DNAH1: variants seen among roughly 807,000 people sequenced by gnomAD.
DNAH1 encodes the protein dynein axonemal heavy chain 1.
DNAH1 carries 327 observed loss-of-function variants against 484.3 expected under a neutral mutation model. That is an observed-to-expected ratio of 0.68 (90% CI 0.62 to 0.74). DNAH1 has a LOEUF of 0.74. Among genes scored for constraint, DNAH1 ranks in the 30% least tolerant of loss-of-function variants. The pLI is 0.00. For missense variants in DNAH1, 5,052 were observed against 5,546.8 expected (o/e 0.91, Z 2.83); for synonymous variants, 2,192 against 2,191.9 (o/e 1.00, Z 0.00).
At position 52,396,724 on chromosome 3, in the gene DNAH1, C is replaced by T. The variant is rs371278083; in HGVS notation, c.11537C>T (p.Thr3846Met). Residue 3846 changes from threonine (T) to methionine (M), a missense_variant, in exon 72 of 78, where the codon ACG (threonine) becomes ATG (methionine). Thr to Met is a moderately conservative substitution (Grantham distance 81). Coordinates refer to ENST00000420323, the MANE Select transcript of DNAH1 (RefSeq NM_015512.5). ...PLGFNIPYEF[T>M]DGDLRICISQ... ...GGCTTCAACATCCCCTATGAGTTCA[C>T]GGATGGAGATCTGCGCATCTGCATC... 7.4e-6 allele frequency: 12 copies of T among 1,613,660 alleles called. No individual in the cohort carries two copies. The highest frequency in any genetic ancestry group is 3.3e-5 in the Admixed American group (2 of 60,006).
At position 52,396,471 on chromosome 3, in the gene DNAH1, G is replaced by GT; in HGVS notation, c.11364dup (p.Val3789CysfsTer10). The GT allele has an allele frequency of 3.1e-6, 5 of 1,604,098 alleles. No individual in the cohort carries two copies. Among genetic ancestry groups the GT allele is most frequent in the Non-Finnish European group, 4.3e-6 (5 of 1,175,470 alleles). Reference sequence around the variant, plus strand: ...AAGATGACCATTGAGCCGCCACGCGGTGTCAGGGCCAACCTGCTGAAGTCC... The same window carrying GT: ...AAGATGACCATTGAGCCGCCACGCGGTTGTCAGGGCCAACCTGCTGAAGTCC... On this transcript the variant is annotated frameshift_variant, in exon 71 of 78. Transcript: ENST00000420323. LOFTEE classifies it high-confidence loss of function.
chr3:52,323,717 C>A, intron 2 of DNAH1, 91 bp from the exon 3 acceptor site: 1 of 1,010,162 alleles, frequency 9.9e-7, no homozygotes, highest in Non-Finnish European at 1.5e-6. Flanking sequence ...TGGTGGGTCT[C>A]AAGGGAGGCG....
rs754524004 is a variant in DNAH1, at chr3:52,397,720, A to T, written c.11801A>T (p.Tyr3934Phe). The change falls in exon 74 of 78, where the codon TAC becomes TTC. Residue 3934 changes from tyrosine (Y) to phenylalanine (F), a missense_variant. Transcript: ENST00000420323. ...CCTCTCTCCTAGGGCTACCTCTCCT[A>T]CATCAAGAGCCTCCCACTCAATGAT... ...PTYDLHGYLS[Y>F]IKSLPLNDMP... is the part of the protein sequence containing the mutation. 1.2e-6 allele frequency: 2 copies of T among 1,609,270 alleles called. No individual in the cohort carries two copies. Among genetic ancestry groups the T allele is most frequent in the Non-Finnish European group, 1.7e-6 (2 of 1,177,486 alleles).
Position 52,381,518 on chromosome 3 carries a change from A to C in DNAH1, c.7609-122A>C. On this transcript the variant is annotated intron_variant, in intron 48 of 77. Coordinates refer to ENST00000420323, the MANE Select transcript of DNAH1 (RefSeq NM_015512.5). This position sits in a 1 kb window ranked among gnomAD's most constrained non-coding sequence, Gnocchi z 4.1. ...GGAAACATGCAGCTGGCCGGGTCACAGGTGGTCAAGGCACCTGTGCTTCTC... is the reference window on the plus strand; with the variant it reads ...GGAAACATGCAGCTGGCCGGGTCACCGGTGGTCAAGGCACCTGTGCTTCTC... 1.2e-6 allele frequency: 1 copy of C among 839,520 alleles called. No homozygotes were observed. Among genetic ancestry groups the C allele is most frequent in the South Asian group, 1.9e-5 (1 of 51,890 alleles). 52.0% of individuals were successfully genotyped at this position (839,520 alleles called of 1,614,324 possible).
chr3:52,386,240 A>G lies in DNAH1; in HGVS notation c.8706A>G (p.Ala2902=). ...AAGCCAATGAGAAGGCCAAGAAGGC[A>G]CAAGCTATTGCTGACGATGCCCAGA... ...EIKANEKAKK[A]QAIADDAQKD... is the part of the protein sequence containing the mutation. Residue 2902 remains alanine (A), a synonymous_variant, in exon 55 of 78, where the codon GCA becomes GCG. Transcript: ENST00000420323. 6.2e-7 allele frequency: 1 copy of G among 1,613,624 alleles called. No individual in the cohort carries two copies. Among genetic ancestry groups the G allele is most frequent in the Non-Finnish European group, 8.5e-7 (1 of 1,179,756 alleles).
chr3:52,356,590 C>G (rs777136201), intron 21 of DNAH1, 24 bp from the exon 22 acceptor site: 1 of 1,611,518 alleles, frequency 6.2e-7, no homozygotes, highest in Non-Finnish European at 8.5e-7. Flanking sequence ...ATATCACACC[C>G]CTCCCTGCCC....
At chr3:52,344,873 G>A (rs1463153595) in intron 9 of DNAH1, among the ~76,000 whole-genome samples, 1 of 152,248 alleles carries the variant, frequency 6.6e-6, no homozygotes, top group Non-Finnish European at 1.5e-5. Flanking sequence ...AGTGAGAATA[G>A]CACAGAAGTT....
At chr3:52,348,857 G>T in intron 12 of DNAH1, 31 bp from the exon 13 acceptor site, 1 of 1,605,108 alleles carries the variant, frequency 6.2e-7, no homozygotes. Context: ...GCTCATCCAG[G>T]TCTGCCCTGC....
upstream of DNAH1, among the ~76,000 whole-genome samples, chr3:52,315,579 A>G (rs1700923268): frequency 6.6e-6 from 1 of 152,188 alleles, no homozygotes; most frequent in Admixed American, 6.5e-5. Context: ...GATCTGAGTA[A>G]GAGATGGGCA....
Position 52,346,700 on chromosome 3 carries a change from A to G in DNAH1, c.1885A>G (p.Thr629Ala). 3 of 1,614,004 alleles carry G rather than the reference A, an allele frequency of 1.9e-6. No individual in the cohort carries two copies. Among genetic ancestry groups the G allele is most frequent in the Non-Finnish European group, 2.5e-6 (3 of 1,179,872 alleles). The change falls in exon 11 of 78, where the codon ACC becomes GCC. Residue 629 changes from threonine to alanine, a missense_variant. Physicochemically the swap from Thr to Ala is moderately conservative, Grantham distance 58. Transcript: ENST00000420323. ...LASFSQFISD[T>A]CCSVLNCTDD... ...CAGCTTCTCACAGTTCATCAGCGACACCTGTTGCAGCGTGCTCAACTGCAC... is the reference window on the plus strand; with the variant it reads ...CAGCTTCTCACAGTTCATCAGCGACGCCTGTTGCAGCGTGCTCAACTGCAC...
chr3:52,366,644 C>G (rs763622066), intron 35 of DNAH1, 89 bp from the exon 36 acceptor site: 5 of 1,554,072 alleles, frequency 3.2e-6, no homozygotes, highest in Non-Finnish European at 3.5e-6. Flanking sequence ...TGCCCCTTGG[C>G]ATAGAATACC....
At chr3:52,318,927 G>A (rs533339403) in intron 1 of DNAH1, among the ~76,000 whole-genome samples, 2 of 152,368 alleles carry the variant, frequency 1.3e-5, no homozygotes, top group South Asian at 4.1e-4. Context: ...GATCCTTGTT[G>A]AATCGGGTGA....
chr3:52,386,821 C>T lies in DNAH1; in HGVS notation c.8971C>T (p.His2991Tyr). The stretch of plus-strand genomic sequence containing the variant: ...CAAGGGGCTGCTGCAGGACCCGGGC[C>T]ACTTCCTTGAGAGCCTCTTCAAGTT... Reference protein sequence around the residue: ...PGKGLLQDPGHFLESLFKFDK... With the variant: ...PGKGLLQDPGYFLESLFKFDK... Residue 2991 changes from histidine (H) to tyrosine (Y), a missense_variant, in exon 56 of 78, where the codon CAC becomes TAC. This residue lies in a region of DNAH1 where 2,929 missense variants were observed against 3,409.4 expected (regional missense o/e 0.86). Coordinates refer to ENST00000420323, the MANE Select transcript of DNAH1 (RefSeq NM_015512.5). 1 of 1,585,464 alleles carries T rather than the reference C, an allele frequency of 6.3e-7. No homozygotes were observed. Among genetic ancestry groups the T allele is most frequent in the Non-Finnish European group, 8.6e-7 (1 of 1,166,964 alleles).
intron 50 of DNAH1, 95 bp downstream of exon 50, chr3:52,382,550 A>G: frequency 6.5e-7 from 1 of 1,544,612 alleles, no homozygotes; most frequent in South Asian, 1.2e-5. Context: ...CTTCATGCCC[A>G]GCTCACAGTC....
At chr3:52,332,476 G>A in intron 8 of DNAH1, 82 bp downstream of exon 8, 1 of 1,553,160 alleles carries the variant, frequency 6.4e-7, no homozygotes, top group Non-Finnish European at 8.7e-7. Context: ...GCTACTCCAG[G>A]GTGGAGCTCC....
Position 52,375,362 on chromosome 3 carries a change from G to A in DNAH1, c.7108G>A (p.Asp2370Asn). The change falls in exon 45 of 78, where the codon GAC becomes AAC. Residue 2370 changes from aspartate (D) to asparagine (N), a missense_variant. This residue lies in a region of DNAH1 where 2,929 missense variants were observed against 3,409.4 expected (regional missense o/e 0.86). Transcript: ENST00000420323. ...HFNYLSFAEM[D>N]EVSKKRIFST... ...CAACTACCTGTCTTTCGCTGAGATG[G>A]ACGAGGTCAGCAAGAAACGCATCTT... 6.2e-7 allele frequency: 1 copy of A among 1,613,682 alleles called. No homozygotes were observed. Among genetic ancestry groups the A allele is most frequent in the Non-Finnish European group, 8.5e-7 (1 of 1,179,770 alleles).
chr3:52,316,838 C>T (rs1432902297), intron 1 of DNAH1, among the ~76,000 whole-genome samples: 1 of 152,214 alleles, frequency 6.6e-6, no homozygotes, highest in Non-Finnish European at 1.5e-5. Context: ...CTAGTACTAA[C>T]CGTCTCAGCA....
In DNAH1 at chr3:52,399,171, C is replaced by T; in HGVS notation, c.12411C>T (p.Ile4137=). ...TLQNFARKFV[I]SIDTISFDFK... ...AGAATTTTGCCCGCAAATTTGTCAT[C>T]TCCATTGACACCATCTCCTTTGATT... Residue 4137 remains isoleucine (I), a synonymous_variant, in exon 76 of 78, where the codon ATC becomes ATT. Transcript: ENST00000420323. The T allele has an allele frequency of 2.5e-6, 4 of 1,612,784 alleles. No individual in the cohort carries two copies. Among genetic ancestry groups the T allele is most frequent in the Non-Finnish European group, 3.4e-6 (4 of 1,179,132 alleles).
chr3:52,385,486 T>G (rs1489511747), intron 54 of DNAH1, 39 bp downstream of exon 54: 8 of 1,526,006 alleles, frequency 5.2e-6, no homozygotes, highest in Admixed American at 3.9e-5. Flanking sequence ...TGCCTGACTC[T>G]GAGGAAGCTC....
Sources: allele counts gnomAD v4.1 joint callset (sites outside exome capture counted in the v4.1 genomes callset), GRCh38; gene constraint gnomAD v4.1.1; regional missense constraint gnomAD v4.1.1; non-coding constraint Gnocchi (gnomAD v3.1); transcripts MANE v1.5; gene names NCBI Gene and HGNC (gene_info 2026-07-23, HGNC 2026-07-21).